The following RNF8 variants were observed in gnomAD, a reference collection of about 807,000 sequenced individuals.
RNF8 encodes the protein E3 ubiquitin-protein ligase RNF8.
RNF8 carries 8 observed loss-of-function variants against 59.3 expected under a neutral mutation model. The ratio of observed to expected loss-of-function variants is 0.13; its 90% CI spans 0.08 to 0.24. The LOEUF (loss-of-function observed/expected upper bound fraction) is 0.24. RNF8 is among the 10% of genes least tolerant of loss of function. The pLI, the probability that RNF8 is intolerant of heterozygous loss-of-function variation, is 1.00. For synonymous variants in RNF8, 162 were observed against 200.0 expected (o/e 0.81, Z 1.60); for missense variants, 406 against 572.6 (o/e 0.71, Z 2.97).
Position 37,381,215 on chromosome 6 carries a change from G to C in RNF8, c.1302G>C (p.Lys434Asn), listed in dbSNP as rs1770246799. 2 of 1,614,084 alleles carry C rather than the reference G, an allele frequency of 1.2e-6. No individual in the cohort carries two copies. The highest frequency in any genetic ancestry group is 1.7e-6 in the Non-Finnish European group (2 of 1,180,050). ...SYCINEWMKR[K>N]IECPICRKDI... ...GTATCAATGAATGGATGAAGCGGAA[G>C]ATAGAATGCCCCATTTGTCGGAAGG... The change falls in exon 7 of 8, where the codon AAG becomes AAC. Residue 434 changes from lysine (K) to asparagine (N), a missense_variant. This residue lies in a region of RNF8 where 59 missense variants were observed against 118.5 expected (regional missense o/e 0.50). Transcript: ENST00000373479.
intron 1 of RNF8, among the ~76,000 whole-genome samples, chr6:37,354,826 G>C (rs1769053549): frequency 1.3e-5 from 2 of 152,250 alleles, no homozygotes; most frequent in Non-Finnish European, 2.9e-5. Flanking sequence ...AGCCGAGGCA[G>C]GGCCCGGCGC....
chr6:37,354,014 C>T lies in RNF8; in HGVS notation c.-151C>T. ...CTCCTGCTTCCTGGCCGAGGGCGGG[C>T]GAGCGGAGCCTGCTTTCGCAGCGAT... On this transcript the variant is annotated 5_prime_UTR_variant, in exon 1 of 8. Coordinates refer to ENST00000373479, the MANE Select transcript of RNF8 (RefSeq NM_003958.4). 2 of 707,324 alleles carry T rather than the reference C, an allele frequency of 2.8e-6. No individual in the cohort carries two copies. The highest frequency in any genetic ancestry group is 4.8e-6 in the Non-Finnish European group (2 of 416,620). The allele number at this position is 707,324 out of a possible 1,614,324, so 43.8% of individuals were successfully genotyped here. A position where few individuals can be genotyped will look rare whatever the true frequency, so the allele number is the denominator to read the frequency against.
Position 37,390,829 on chromosome 6 carries a change from C to G in RNF8, c.*71C>G, listed in dbSNP as rs763840609. 5.0e-6 allele frequency: 8 copies of G among 1,613,794 alleles called. No homozygotes were observed. Among genetic ancestry groups the G allele is most frequent in the African/African-American group, 1.3e-5 (1 of 74,922 alleles). ...CCTGAGATGGTCTGGAGGATTCTCT[C>G]TAGCCGTGACTCCGCTGCTCTGAAG... On this transcript the variant is annotated 3_prime_UTR_variant, in exon 8 of 8. Transcript: ENST00000373479.
At chr6:37,373,568 G>A (rs1041315074) in intron 4 of RNF8, among the ~76,000 whole-genome samples, 1 of 152,008 alleles carries the variant, frequency 6.6e-6, no homozygotes, top group Non-Finnish European at 1.5e-5. Context: ...CACAATGCCC[G>A]ACAATTTTTT....
intron 1 of RNF8, among the ~76,000 whole-genome samples, chr6:37,357,473 C>T (rs894374954): frequency 6.6e-6 from 1 of 152,186 alleles, no homozygotes; most frequent in African/African-American, 2.4e-5. Context: ...TGGCTGTCTC[C>T]CCTCAAGTAT....
At position 37,368,658 on chromosome 6, in the gene RNF8, A is replaced by G; in HGVS notation, c.415A>G (p.Lys139Glu). 6.2e-7 allele frequency: 1 copy of G among 1,613,996 alleles called. No individual in the cohort carries two copies. Among genetic ancestry groups the G allele is most frequent in the Non-Finnish European group, 8.5e-7 (1 of 1,179,984 alleles). Residue 139 changes from lysine (K) to glutamate (E), a missense_variant, in exon 3 of 8, where the codon AAG becomes GAG. Lys to Glu is a moderately conservative substitution (Grantham distance 56). Coordinates refer to ENST00000373479, the MANE Select transcript of RNF8 (RefSeq NM_003958.4). Reference sequence around the variant, plus strand: ...GACAATATATCCTTGTCTTTCCCCAAAGAATGACCAAATGATAGAAAAAAA... The same window carrying G: ...GACAATATATCCTTGTCTTTCCCCAGAGAATGACCAAATGATAGAAAAAAA... ...WETIYPCLSPKNDQMIEKNKE... is the reference protein window; with the variant it reads ...WETIYPCLSPENDQMIEKNKE...
intron 2 of RNF8, 181 bp from the exon 3 acceptor site, chr6:37,368,303 G>A: frequency 6.8e-7 from 1 of 1,476,122 alleles, no homozygotes; most frequent in South Asian, 1.2e-5. Flanking sequence ...TAGGTAAAAA[G>A]CCAAAGCACT....
intron 5 of RNF8, 27 bp from the exon 6 acceptor site, chr6:37,376,899 T>A (rs1770040736): frequency 6.5e-7 from 1 of 1,539,858 alleles, no homozygotes; most frequent in Non-Finnish European, 9.0e-7. Flanking sequence ...GTTCTCTGAA[T>A]GACAGGTAGG....
intron 6 of RNF8, among the ~76,000 whole-genome samples, chr6:37,379,536 T>G (rs1364056331): frequency 6.6e-6 from 1 of 152,338 alleles, no homozygotes; most frequent in East Asian, 1.9e-4. Flanking sequence ...AAAAGGTTTG[T>G]ATTCTTCTGA....
At chr6:37,382,834 C>T (rs574948881) in intron 7 of RNF8, among the ~76,000 whole-genome samples, 3 of 152,162 alleles carry the variant, frequency 2.0e-5, no homozygotes, top group Admixed American at 6.5e-5. Context: ...AAAAATTAGC[C>T]GGGCGTGGTG....
At position 37,360,506 on chromosome 6, in the gene RNF8, A is replaced by G; in HGVS notation, c.172A>G (p.Met58Val). 5 of 1,614,032 alleles carry G rather than the reference A, an allele frequency of 3.1e-6. No homozygotes were observed. The highest frequency in any genetic ancestry group is 4.2e-6 in the Non-Finnish European group (5 of 1,179,958). Residue 58 changes from methionine (M) to valine (V), a missense_variant, in exon 2 of 8, where the codon ATG becomes GTG. Physicochemically the swap from Met to Val is conservative, Grantham distance 21 (BLOSUM62 1). Transcript: ENST00000373479. This position sits in a 1 kb window ranked among gnomAD's most constrained non-coding sequence, Gnocchi z 4.2. ...YQLVSKICPL[M>V]ISRNHCVLKQ... ...ACTGGTATCAAAAATCTGCCCCCTG[A>G]TGATTTCTCGAAACCACTGTGTTTT...
At chr6:37,382,136 A>G (rs1770293060) in intron 7 of RNF8, among the ~76,000 whole-genome samples, 1 of 152,210 alleles carries the variant, frequency 6.6e-6, no homozygotes, top group African/African-American at 2.4e-5. Context: ...AAAAAGTTAA[A>G]TAAGACATTA....
intron 4 of RNF8, among the ~76,000 whole-genome samples, chr6:37,373,473 C>T (rs1011961527): frequency 2.6e-5 from 4 of 152,322 alleles, no homozygotes; most frequent in Admixed American, 2.6e-4. Context: ...GTGGTGCAAT[C>T]TCAGCTCACT....
intron 1 of RNF8, among the ~76,000 whole-genome samples, chr6:37,357,062 C>T (rs529548733): frequency 6.6e-6 from 1 of 152,120 alleles, no homozygotes; most frequent in Admixed American, 6.5e-5. Context: ...ATTTGAGAAA[C>T]AGTAGGAATT....
At chr6:37,383,038 T>C (rs921382770) in intron 7 of RNF8, among the ~76,000 whole-genome samples, 1 of 152,008 alleles carries the variant, frequency 6.6e-6, no homozygotes, top group African/African-American at 2.4e-5. Flanking sequence ...CTGACTCCTA[T>C]TACACAGAGT....
Position 37,391,194 on chromosome 6 carries a change from A to C in RNF8, c.*436A>C. 1 of 202,582 alleles carries C rather than the reference A, an allele frequency of 4.9e-6. No homozygotes were observed. The highest frequency in any genetic ancestry group is 1.2e-4 in the South Asian group (1 of 8,122). The allele number at this position is 202,582 out of a possible 1,614,324, so 12.5% of individuals were successfully genotyped here. ...GATGGCTTACCTCTTCTTTGTGAAA[A>C]TACTATCTCATTTCCTGGAAATAAA... On this transcript the variant is annotated 3_prime_UTR_variant, in exon 8 of 8. Transcript: ENST00000373479.
intron 1 of RNF8, among the ~76,000 whole-genome samples, chr6:37,357,758 T>C (rs1267824022): frequency 6.6e-6 from 1 of 152,218 alleles, no homozygotes; most frequent in Non-Finnish European, 1.5e-5. Flanking sequence ...CCAATGGTAA[T>C]ACAGTCTCTA....
At chr6:37,359,390 C>T (rs893541960) in intron 1 of RNF8, 1 of 256,632 alleles carries the variant, frequency 3.9e-6, no homozygotes, top group Non-Finnish European at 7.8e-6. Context: ...TTCCTGAAAA[C>T]TTTGCCTTTG....
Position 37,392,728 on chromosome 6 carries a change from G to C in RNF8, c.*1970G>C. 2.5e-6 allele frequency: 1 copy of C among 398,400 alleles called. No individual in the cohort carries two copies. The highest frequency in any genetic ancestry group is 6.3e-4 in the Middle Eastern group (1 of 1,588). The allele number at this position is 398,400 out of a possible 1,614,324, so 24.7% of individuals were successfully genotyped here. A position where few individuals can be genotyped will look rare whatever the true frequency, so the allele number is the denominator to read the frequency against. ...TTACTTTTGATAGAAATCTAGGTTG[G>C]TTCAAACCTTTTTACTCTTAAAACA... On this transcript the variant is annotated 3_prime_UTR_variant, in exon 8 of 8. Coordinates refer to ENST00000373479, the MANE Select transcript of RNF8 (RefSeq NM_003958.4).
Sources: gnomAD v4.1 joint callset for allele counts (sites outside exome capture counted in the v4.1 genomes callset) on GRCh38, gnomAD v4.1.1 for gene constraint, gnomAD v4.1.1 regional missense constraint, Gnocchi (gnomAD v3.1) non-coding constraint, MANE v1.5 for transcripts, NCBI Gene and HGNC (gene_info 2026-07-23, HGNC 2026-07-21) for gene names.